CTNNA3: variants seen among roughly 807,000 people sequenced by gnomAD.
CTNNA3 encodes the protein catenin alpha-3.
A neutral mutation model predicts 95.7 loss-of-function variants in CTNNA3; 76 were observed. The observed-to-expected ratio is 0.79, with a 90% CI of 0.66 to 0.96. CTNNA3 has a LOEUF of 0.96. CTNNA3 is among the 40% of genes least tolerant of loss of function. The pLI is 0.00. For missense variants in CTNNA3, 1,191 were observed against 1,089.8 expected, an observed-to-expected ratio of 1.09 and a Z score of -1.31; for synonymous variants, 431 against 374.4, an observed-to-expected ratio of 1.15 and a Z score of -1.74.
At chr10:67,459,490 T>C (rs977512112) in intron 5 of CTNNA3, among the ~76,000 whole-genome samples, 19 of 152,218 alleles carry the variant, frequency 1.2e-4, no homozygotes, top group African/African-American at 4.6e-4. Flanking sequence ...TATTTTCATC[T>C]TTTCAAGCCA....
At chr10:66,684,211 T>G (rs529571010) in intron 9 of CTNNA3, among the ~76,000 whole-genome samples, 1 of 152,114 alleles carries the variant, frequency 6.6e-6, no homozygotes, top group Non-Finnish European at 1.5e-5. Context: ...AGGGGAAGTG[T>G]GGTGCTACTG....
chr10:67,485,859 T>C (rs942476557), intron 5 of CTNNA3, among the ~76,000 whole-genome samples: 10 of 152,196 alleles, frequency 6.6e-5, no homozygotes, highest in Non-Finnish European at 1.0e-4. Flanking sequence ...AGACGTCTCT[T>C]CCTTTTAAAG....
intron 11 of CTNNA3, among the ~76,000 whole-genome samples, chr10:66,396,491 G>GCATC (rs2132545656): frequency 6.6e-6 from 1 of 152,052 alleles, no homozygotes; most frequent in East Asian, 1.9e-4. Context: ...TATAAATTGG[G>GCATC]CATCCACATG....
In CTNNA3 at chr10:67,446,896, G is replaced by A. The variant is rs138483533; in HGVS notation, c.579+74946C>T. On this transcript the variant is annotated intron_variant, in intron 5 of 17. Coordinates refer to ENST00000433211, the MANE Select transcript of CTNNA3 (RefSeq NM_013266.4). ...CAAGGAGGGTGGATGATGAGGTCAG[G>A]AGATCGAGACCATCCTGGCTAACAC... Among the ~76,000 whole-genome samples, 4,019 of 152,240 alleles carry A rather than the reference G, an allele frequency of 0.026. 385 individuals are homozygous for A. In the East Asian group the frequency reaches 0.34, roughly 13 times the overall value.
At chr10:66,494,799 T>C (rs12217452) in intron 11 of CTNNA3, among the ~76,000 whole-genome samples, 12,454 of 152,232 alleles carry the variant, frequency 0.082, 1,199 homozygotes, top group East Asian at 0.32. Context: ...CACTCTGTTA[T>C]GCACTTTCAC....
chr10:67,746,231 C>G (rs1589588129), intron 1 of CTNNA3, among the ~76,000 whole-genome samples: 1 of 152,156 alleles, frequency 6.6e-6, no homozygotes, highest in African/African-American at 2.4e-5. Flanking sequence ...GGGACACAGA[C>G]CAGTGGAACA....
chr10:65,936,125 T>C (rs2077333352), intron 17 of CTNNA3, among the ~76,000 whole-genome samples: 2 of 152,138 alleles, frequency 1.3e-5, no homozygotes, highest in Non-Finnish European at 2.9e-5. Context: ...GTAACAACAG[T>C]AAAGCTTTGG....
chr10:66,473,118 G>A (rs1008930934), intron 11 of CTNNA3, among the ~76,000 whole-genome samples: 3 of 151,922 alleles, frequency 2.0e-5, no homozygotes, highest in African/African-American at 7.3e-5. Flanking sequence ...GAGAGTATTA[G>A]CCTATCCAAC....
Position 66,737,344 on chromosome 10 carries a change from T to G in CTNNA3, c.1281+28920A>C, listed in dbSNP as rs923693710. Among the ~76,000 whole-genome samples the G allele has an allele frequency of 7.2e-5, 11 of 152,138 alleles. 1 individual carries two copies. Among genetic ancestry groups the G allele is most frequent in the Admixed American group, 2.6e-4 (4 of 15,264 alleles). ...TATTCCGTGGCCAGTGTTGCAAAAG[T>G]TTTTAAAAATCTTTATGTTGAACTG... On this transcript the variant is annotated intron_variant, in intron 9 of 17. Transcript: ENST00000433211.
chr10:66,650,536 C>T (rs982858724), intron 9 of CTNNA3, among the ~76,000 whole-genome samples: 1 of 152,166 alleles, frequency 6.6e-6, no homozygotes, highest in African/African-American at 2.4e-5. Flanking sequence ...TTCTTGGTCT[C>T]GCTGACTTCA....
chr10:67,103,295 G>A (rs1472170520), intron 7 of CTNNA3, among the ~76,000 whole-genome samples: 2 of 151,764 alleles, frequency 1.3e-5, no homozygotes, highest in Admixed American at 6.6e-5. Context: ...CTTGACTGAG[G>A]AAAGCATACC....
At chr10:67,108,975 A>T (rs73258452) in intron 7 of CTNNA3, among the ~76,000 whole-genome samples, 1,906 of 152,296 alleles carry the variant, frequency 0.013, 36 homozygotes, top group African/African-American at 0.037. Flanking sequence ...ATAAACTTAA[A>T]GTAATTAATA....
At chr10:67,510,646 C>CTT (rs966058914) in intron 5 of CTNNA3, among the ~76,000 whole-genome samples, 3 of 152,088 alleles carry the variant, frequency 2.0e-5, no homozygotes, top group African/African-American at 7.2e-5. Flanking sequence ...CAGTTTTGTT[C>CTT]TTTTTGCTTA....
chr10:67,682,881 G>A lies in CTNNA3; in HGVS notation c.-6+13119C>T, dbSNP rs368681910. ...CTAAATAAATTCTGCTACATACACA[G>A]AGTAAAACACGACAAAGCTGCTGGA... On this transcript the variant is annotated intron_variant, in intron 1 of 17. Transcript: ENST00000433211. Among the ~76,000 whole-genome samples, 6 of 152,262 alleles carry A rather than the reference G, an allele frequency of 3.9e-5. No homozygotes were observed. The East Asian group carries it at 9.6e-4, about 24-fold the overall frequency.
chr10:67,273,902 T>C (rs1188035105), intron 5 of CTNNA3, among the ~76,000 whole-genome samples: 4 of 152,170 alleles, frequency 2.6e-5, no homozygotes, highest in African/African-American at 4.8e-5. Context: ...AGTGGTTGTC[T>C]AGTGTGGGAG....
At chr10:65,973,612 G>T (rs1314223214) in intron 16 of CTNNA3, among the ~76,000 whole-genome samples, 1 of 152,084 alleles carries the variant, frequency 6.6e-6, no homozygotes, top group East Asian at 1.9e-4. Context: ...AGTTTAATTG[G>T]CTCGTGGTTC....
chr10:66,288,906 A>G (rs757440061), intron 12 of CTNNA3, among the ~76,000 whole-genome samples: 1 of 152,076 alleles, frequency 6.6e-6, no homozygotes, highest in Non-Finnish European at 1.5e-5. Context: ...TAATGATACA[A>G]TTCTTAGCTT....
At chr10:66,763,683 T>C (rs1452346262) in intron 9 of CTNNA3, among the ~76,000 whole-genome samples, 1 of 152,194 alleles carries the variant, frequency 6.6e-6, no homozygotes, top group Non-Finnish European at 1.5e-5. Flanking sequence ...GTTTGACCAA[T>C]AGAATACAAA....
At chr10:66,699,761 C>G (rs553597165) in intron 9 of CTNNA3, among the ~76,000 whole-genome samples, 1 of 151,530 alleles carries the variant, frequency 6.6e-6, no homozygotes, top group South Asian at 2.1e-4. Flanking sequence ...TAGGTTCAAG[C>G]GATTCTCCTG....
Sources: allele counts gnomAD v4.1 joint callset (sites outside exome capture counted in the v4.1 genomes callset), GRCh38; gene constraint gnomAD v4.1.1; transcripts MANE v1.5; gene names NCBI Gene and HGNC (gene_info 2026-07-23, HGNC 2026-07-21).